Variants in GABRB1 observed in about 807,000 individuals in gnomAD.
The protein encoded by GABRB1 is gamma-aminobutyric acid receptor subunit beta-1.
GABRB1 carries 17 observed loss-of-function variants against 51.6 expected under a neutral mutation model. The ratio of observed to expected loss-of-function variants is 0.33; its 90% CI spans 0.23 to 0.49. The LOEUF is 0.49. GABRB1 is among the 20% of genes least tolerant of loss of function. The pLI is 0.99. For missense variants in GABRB1, 410 were observed against 600.6 expected (o/e 0.68, Z 3.32); for synonymous variants, 247 against 218.9 (o/e 1.13, Z -1.14).
intron 3 of GABRB1, among the ~76,000 whole-genome samples, chr4:47,064,232 C>G (rs2109532839): frequency 6.6e-6 from 1 of 152,258 alleles, no homozygotes; most frequent in East Asian, 1.9e-4. Flanking sequence ...GAATGTCCTG[C>G]TCTGACTCAG....
chr4:47,329,303 T>C (rs56015752), intron 5 of GABRB1, among the ~76,000 whole-genome samples: 9,178 of 151,922 alleles, frequency 0.06, 277 homozygotes, highest in Admixed American at 0.079. Context: ...GCCCAGTGTG[T>C]TATTCATAGT....
chr4:47,327,686 A>G (rs1183940987), intron 5 of GABRB1, among the ~76,000 whole-genome samples: 2 of 152,238 alleles, frequency 1.3e-5, no homozygotes. Flanking sequence ...CACTTAATCC[A>G]TCTGTTTAAC....
In GABRB1 at chr4:47,206,835, G is replaced by C. The variant is rs187952883; in HGVS notation, c.461+45366G>C. 3.6e-3 allele frequency among the ~76,000 whole-genome samples: 550 copies of C among 151,156 alleles called. 1 individual carries two copies. The highest frequency in any genetic ancestry group is 6.1e-3 in the Non-Finnish European group (412 of 67,670). ...CTCTAATAAATACAATATATTAAAA[G>C]TTTATTGAATTATAATATATATGTA... On this transcript the variant is annotated intron_variant, in intron 4 of 8. Coordinates refer to ENST00000295454, the MANE Select transcript of GABRB1 (RefSeq NM_000812.4).
chr4:47,365,502 C>T (rs1226121770), intron 5 of GABRB1, among the ~76,000 whole-genome samples: 1 of 152,140 alleles, frequency 6.6e-6, no homozygotes, highest in East Asian at 1.9e-4. Flanking sequence ...ATTAGCAACA[C>T]CAGGAAGATT....
intron 5 of GABRB1, among the ~76,000 whole-genome samples, chr4:47,347,116 T>C (rs939625379): frequency 6.6e-6 from 1 of 151,618 alleles, no homozygotes; most frequent in Non-Finnish European, 1.5e-5. Context: ...ATCCTGTCTC[T>C]ACTAAACATA....
At chr4:47,004,327 T>G (rs1221396999) in intron 1 of GABRB1, among the ~76,000 whole-genome samples, 1 of 152,192 alleles carries the variant, frequency 6.6e-6, no homozygotes, top group Admixed American at 6.5e-5. Context: ...TTCTTTAATT[T>G]TTCCCAGTGG....
At chr4:47,151,887 ACAAG>A (rs1717476582) in intron 3 of GABRB1, among the ~76,000 whole-genome samples, 1 of 152,074 alleles carries the variant, frequency 6.6e-6, no homozygotes, top group Non-Finnish European at 1.5e-5. Flanking sequence ...AAACTTTAGT[ACAAG>A]TAGCCTTATA....
intron 4 of GABRB1, among the ~76,000 whole-genome samples, chr4:47,237,493 A>G (rs1721370707): frequency 6.6e-6 from 1 of 152,072 alleles, no homozygotes; most frequent in South Asian, 2.1e-4. Flanking sequence ...AAAAGGAATA[A>G]TTCATTCTGA....
chr4:47,296,985 T>A (rs1432019861), intron 4 of GABRB1, among the ~76,000 whole-genome samples: 2 of 152,120 alleles, frequency 1.3e-5, no homozygotes, highest in Non-Finnish European at 2.9e-5. Flanking sequence ...ACATGGAAAC[T>A]GAACAACCTG....
chr4:47,149,307 T>C (rs1717323855), intron 3 of GABRB1, among the ~76,000 whole-genome samples: 1 of 152,076 alleles, frequency 6.6e-6, no homozygotes, highest in Non-Finnish European at 1.5e-5. Context: ...CTGTAACATA[T>C]TTTAGGCTAC....
rs532472860 is a variant in GABRB1, at chr4:47,191,475, CAGTG to C, written c.461+30008_461+30011del. Among the ~76,000 whole-genome samples the C allele has an allele frequency of 2.9e-3, 440 of 152,182 alleles. 3 individuals are homozygous for C. The highest frequency in any genetic ancestry group is 9.5e-3 in the African/African-American group (395 of 41,530). On this transcript the variant is annotated intron_variant, in intron 4 of 8. Transcript: ENST00000295454. Reference sequence around the variant, plus strand: ...CTTATTCACCAATTTCAGTCACTTCCAGTGACTAGTGAAATACATGGATTATGGT... The same window carrying C: ...CTTATTCACCAATTTCAGTCACTTCCACTAGTGAAATACATGGATTATGGT...
At position 47,186,992 on chromosome 4, in the gene GABRB1, T is replaced by C. The variant is rs540138236; in HGVS notation, c.461+25523T>C. ...AGTGTTCCTATTTTAAATGAAGAAA[T>C]AAAGGCCAGAGAGTGGTTAAGTGAC... On this transcript the variant is annotated intron_variant, in intron 4 of 8. Coordinates refer to ENST00000295454, the MANE Select transcript of GABRB1 (RefSeq NM_000812.4). Among the ~76,000 whole-genome samples, 117 of 151,946 alleles carry C rather than the reference T, an allele frequency of 7.7e-4. 1 individual carries two copies. Among genetic ancestry groups the C allele is most frequent in the Non-Finnish European group, 1.6e-3 (107 of 67,852 alleles).
intron 5 of GABRB1, among the ~76,000 whole-genome samples, chr4:47,323,659 C>T (rs983998396): frequency 6.6e-6 from 1 of 152,164 alleles, no homozygotes; most frequent in Admixed American, 6.5e-5. Context: ...CGTTTGTGAC[C>T]AACAGAGTGG....
chr4:47,356,190 G>C (rs1726566318), intron 5 of GABRB1, among the ~76,000 whole-genome samples: 1 of 152,124 alleles, frequency 6.6e-6, no homozygotes, highest in South Asian at 2.1e-4. Context: ...CATCGTGTTT[G>C]TATTTCTCAT....
At chr4:47,026,357 G>T (rs187102935) in intron 1 of GABRB1, among the ~76,000 whole-genome samples, 1 of 151,752 alleles carries the variant, frequency 6.6e-6, no homozygotes, top group Non-Finnish European at 1.5e-5. Flanking sequence ...ATAATCACCG[G>T]GTTGTTTGTT....
chr4:47,025,152 C>T (rs143345448), intron 1 of GABRB1, among the ~76,000 whole-genome samples: 16 of 150,250 alleles, frequency 1.1e-4, no homozygotes, highest in Non-Finnish European at 1.8e-4. Context: ...TTGATTGATG[C>T]GTATTTGGGT....
chr4:47,261,915 C>G (rs71609487), intron 4 of GABRB1, among the ~76,000 whole-genome samples: 97,120 of 151,532 alleles, frequency 0.64, 31,459 homozygotes, highest in South Asian at 0.81. Flanking sequence ...TGATCTTTGA[C>G]AAAGCTGAGA....
intron 4 of GABRB1, among the ~76,000 whole-genome samples, chr4:47,296,406 G>A (rs1001658697): frequency 3.3e-5 from 5 of 152,098 alleles, no homozygotes; most frequent in Non-Finnish European, 4.4e-5. Context: ...ATACAAGGAT[G>A]GAGGAAGATC....
intron 4 of GABRB1, among the ~76,000 whole-genome samples, chr4:47,269,697 A>G (rs868415475): frequency 1.3e-5 from 2 of 151,932 alleles, no homozygotes; most frequent in Admixed American, 6.6e-5. Flanking sequence ...CATGCCAAAT[A>G]TAGCTACTTA....
Sources: gnomAD v4.1 joint callset for allele counts (sites outside exome capture counted in the v4.1 genomes callset) on GRCh38, gnomAD v4.1.1 for gene constraint, MANE v1.5 for transcripts, NCBI Gene and HGNC (gene_info 2026-07-23, HGNC 2026-07-21) for gene names.